PPP2R5E: variants seen among roughly 807,000 people sequenced by gnomAD.
PPP2R5E encodes the protein serine/threonine-protein phosphatase 2A 56 kDa regulatory subunit epsilon isoform.
In PPP2R5E, 4 loss-of-function variants were observed where a neutral mutation model predicts 65.3. The ratio of observed to expected loss-of-function variants is 0.06; its 90% CI spans 0.03 to 0.14. The LOEUF (loss-of-function observed/expected upper bound fraction) is 0.14, where lower values mean the gene tolerates loss of function less well. Ranked by LOEUF, PPP2R5E falls within the 10% of genes least tolerant of loss-of-function variation. The pLI is 1.00. For missense variants in PPP2R5E, 274 were observed against 556.1 expected, an observed-to-expected ratio of 0.49 and a Z score of 5.10; for synonymous variants, 183 against 187.4, an observed-to-expected ratio of 0.98 and a Z score of 0.19.
At chr14:63,542,712 G>A (rs1393926316) in intron 1 of PPP2R5E, 67 bp downstream of exon 1, 1 of 153,404 alleles carries the variant, frequency 6.5e-6, no homozygotes, top group African/African-American at 2.4e-5. Flanking sequence ...TGCCCCATAG[G>A]TTCCCCAGGA....
intron 13 of PPP2R5E, among the ~76,000 whole-genome samples, chr14:63,381,802 C>G (rs1218022022): frequency 6.6e-6 from 1 of 152,214 alleles, no homozygotes; most frequent in South Asian, 2.1e-4. Flanking sequence ...ACAGGCAATA[C>G]TACATAGTTC....
chr14:63,492,903 T>C (rs1188277661), intron 2 of PPP2R5E, among the ~76,000 whole-genome samples: 2 of 152,132 alleles, frequency 1.3e-5, no homozygotes, highest in Admixed American at 1.3e-4. Flanking sequence ...AGACAACGTT[T>C]ATAGCCTCAT....
chr14:63,484,347 TCACACA>T (rs199749451), intron 2 of PPP2R5E, among the ~76,000 whole-genome samples: 4,996 of 139,662 alleles, frequency 0.036, 101 homozygotes, highest in African/African-American at 0.038. Context: ...TCTCTCTCTC[TCACACA>T]CACACACACA....
intron 2 of PPP2R5E, among the ~76,000 whole-genome samples, chr14:63,505,640 T>C (rs937907164): frequency 6.6e-6 from 1 of 152,158 alleles, no homozygotes; most frequent in Admixed American, 6.6e-5. Flanking sequence ...CTCTACAATC[T>C]GAATCTAAGC....
intron 3 of PPP2R5E, among the ~76,000 whole-genome samples, chr14:63,445,339 T>C (rs1374618547): frequency 6.6e-6 from 1 of 152,206 alleles, no homozygotes; most frequent in Non-Finnish European, 1.5e-5. Flanking sequence ...CCGTAGTCTA[T>C]AAAGTGCACA....
intron 7 of PPP2R5E, 142 bp from the exon 8 acceptor site, chr14:63,394,070 C>CTTTT (rs557273298): frequency 2.0e-4 from 37 of 181,296 alleles, no homozygotes; most frequent in South Asian, 5.9e-4. Context: ...TCAGAATTTC[C>CTTTT]TTTTTTTTTT....
At chr14:63,386,873 G>A (rs1377424983) in intron 11 of PPP2R5E, among the ~76,000 whole-genome samples, 1 of 150,932 alleles carries the variant, frequency 6.6e-6, no homozygotes, top group Non-Finnish European at 1.5e-5. Flanking sequence ...GCAGTGAACT[G>A]TGACTGTACC....
At chr14:63,389,363 T>A (rs1019790023) in intron 11 of PPP2R5E, among the ~76,000 whole-genome samples, 1 of 148,566 alleles carries the variant, frequency 6.7e-6, no homozygotes, top group Non-Finnish European at 1.5e-5. Flanking sequence ...TGTATGTCTT[T>A]AAAAAAAAAA....
intron 4 of PPP2R5E, among the ~76,000 whole-genome samples, chr14:63,418,724 A>T (rs1886837817): frequency 1.3e-5 from 2 of 152,186 alleles, no homozygotes; most frequent in South Asian, 4.1e-4. Flanking sequence ...ATAACTGAAA[A>T]GGTTGAATAA....
At chr14:63,453,949 T>C (rs1158914731) in intron 2 of PPP2R5E, 64 bp from the exon 3 acceptor site, 2 of 1,262,432 alleles carry the variant, frequency 1.6e-6, no homozygotes, top group African/African-American at 1.5e-5. Flanking sequence ...GAATTCTCTG[T>C]GAAAGTTACT....
At chr14:63,422,316 C>T (rs1035600730) in intron 3 of PPP2R5E, among the ~76,000 whole-genome samples, 4 of 152,174 alleles carry the variant, frequency 2.6e-5, no homozygotes, top group Non-Finnish European at 5.9e-5. Flanking sequence ...CACTATTAAT[C>T]GTCCTTATTT....
At chr14:63,386,922 T>TC (rs1185178106) in intron 11 of PPP2R5E, among the ~76,000 whole-genome samples, 2 of 108,786 alleles carry the variant, frequency 1.8e-5, no homozygotes, top group African/African-American at 9.3e-5. Context: ...AGACTCCATC[T>TC]CAAAAAAAAA....
At chr14:63,443,270 T>C (rs950085438) in intron 3 of PPP2R5E, among the ~76,000 whole-genome samples, 3 of 152,222 alleles carry the variant, frequency 2.0e-5, no homozygotes, top group African/African-American at 7.2e-5. Flanking sequence ...ATCTTAAAAC[T>C]AAATTAACTT....
chr14:63,396,556 C>T lies in PPP2R5E; in HGVS notation c.680+30G>A, dbSNP rs778545656. The T allele has an allele frequency of 6.2e-6, 10 of 1,606,574 alleles. No homozygotes were observed. In the East Asian group the frequency reaches 2.2e-4, roughly 36 times the overall value. On this transcript the variant is annotated intron_variant, in intron 6 of 13. Transcript: ENST00000337537. ...ACTCATAAAAACACCAACTTTGCTT[C>T]TCCTTCTTCCCCCATCACACTCCAC... is the stretch of plus-strand genomic sequence containing the variant.
chr14:63,401,232 G>C (rs1191749309), intron 5 of PPP2R5E, among the ~76,000 whole-genome samples: 2 of 148,990 alleles, frequency 1.3e-5, no homozygotes, highest in Non-Finnish European at 3.0e-5. Context: ...AAACAAGGGG[G>C]GGTAGGATGA....
intron 5 of PPP2R5E, among the ~76,000 whole-genome samples, chr14:63,411,117 T>C (rs1049899165): frequency 1.3e-5 from 2 of 152,196 alleles, no homozygotes; most frequent in African/African-American, 4.8e-5. Flanking sequence ...TAATACCACA[T>C]GGCAGATAAA....
intron 3 of PPP2R5E, among the ~76,000 whole-genome samples, chr14:63,425,314 G>A (rs116488039): frequency 3.3e-5 from 5 of 152,046 alleles, no homozygotes; most frequent in Admixed American, 1.3e-4. Flanking sequence ...ATCAACCTAC[G>A]ACTTCCCTTC....
intron 3 of PPP2R5E, among the ~76,000 whole-genome samples, chr14:63,427,745 C>A (rs1214282063): frequency 6.6e-6 from 1 of 152,218 alleles, no homozygotes; most frequent in Non-Finnish European, 1.5e-5. Flanking sequence ...GACAACCCCT[C>A]TTCAAAGACA....
chr14:63,465,450 CAAAAAA>C (rs1171345415), intron 2 of PPP2R5E, among the ~76,000 whole-genome samples: 1 of 47,418 alleles, frequency 2.1e-5, no homozygotes, highest in African/African-American at 7.7e-5. Flanking sequence ...TCCACCTCTA[CAAAAAA>C]AAAAAAAAAA....
Sources: allele counts gnomAD v4.1 joint callset (sites outside exome capture counted in the v4.1 genomes callset), GRCh38; gene constraint gnomAD v4.1.1; transcripts MANE v1.5; gene names NCBI Gene and HGNC (gene_info 2026-07-23, HGNC 2026-07-21).